Variants in GRIK2 observed in about 807,000 individuals in gnomAD.
The protein encoded by GRIK2 is glutamate receptor ionotropic, kainate 2.
In GRIK2, 32 loss-of-function variants were observed where a neutral mutation model predicts 100.3. The ratio of observed to expected loss-of-function variants is 0.32; its 90% CI spans 0.24 to 0.43. GRIK2 has a LOEUF of 0.43. Ranked by LOEUF, GRIK2 falls within the 20% of genes least tolerant of loss-of-function variation. The pLI is 1.00. For missense variants in GRIK2, 843 were observed against 1,114.9 expected, an observed-to-expected ratio of 0.76 and a Z score of 3.47; for synonymous variants, 417 against 389.4, an observed-to-expected ratio of 1.07 and a Z score of -0.83.
intron 14 of GRIK2, among the ~76,000 whole-genome samples, 195 bp downstream of exon 14, chr6:101,928,827 G>A (rs888063621): frequency 2.0e-5 from 3 of 152,126 alleles, no homozygotes; most frequent in Non-Finnish European, 4.4e-5. Context: ...CTCTGAAAAT[G>A]CTAAGGAGGT....
chr6:101,567,215 T>G (rs1777320094), intron 2 of GRIK2, among the ~76,000 whole-genome samples: 1 of 151,912 alleles, frequency 6.6e-6, no homozygotes, highest in Non-Finnish European at 1.5e-5. Flanking sequence ...ATATTTATTT[T>G]GCGATTTTCT....
At chr6:101,811,737 T>G (rs1268139064) in intron 9 of GRIK2, among the ~76,000 whole-genome samples, 1 of 151,842 alleles carries the variant, frequency 6.6e-6, no homozygotes, top group Non-Finnish European at 1.5e-5. Flanking sequence ...AGGTTAACAA[T>G]TATATAGCCC....
At chr6:102,064,001 A>G in intron 16 of GRIK2, 1 of 1,558,946 alleles carries the variant, frequency 6.4e-7, no homozygotes, top group Non-Finnish European at 8.8e-7. Flanking sequence ...CCATCCAGAC[A>G]CTGTTTAGTA....
chr6:101,965,142 A>G (rs1420767454), intron 14 of GRIK2, among the ~76,000 whole-genome samples: 2 of 152,132 alleles, frequency 1.3e-5, no homozygotes, highest in African/African-American at 4.8e-5. Context: ...TTAAACCTGT[A>G]TTCAAAATGA....
At chr6:101,463,901 A>G (rs547658119) in intron 2 of GRIK2, among the ~76,000 whole-genome samples, 2 of 152,258 alleles carry the variant, frequency 1.3e-5, no homozygotes, top group Admixed American at 6.5e-5. Context: ...GGATTAAAGG[A>G]TGCAAAGTAT....
At chr6:101,731,662 G>A (rs760057203) in intron 7 of GRIK2, among the ~76,000 whole-genome samples, 3 of 151,860 alleles carry the variant, frequency 2.0e-5, no homozygotes, top group Non-Finnish European at 4.4e-5. Context: ...AACTCACATG[G>A]GAACCAGGAA....
chr6:101,912,213 G>T (rs1436763824), intron 12 of GRIK2, among the ~76,000 whole-genome samples: 1 of 150,796 alleles, frequency 6.6e-6, no homozygotes, highest in Non-Finnish European at 1.5e-5. Context: ...CGGCTAACTT[G>T]CACAGACATC....
intron 15 of GRIK2, among the ~76,000 whole-genome samples, chr6:102,037,616 CAATT>C (rs71028102): frequency 0.23 from 34,581 of 150,960 alleles, 4,281 homozygotes; most frequent in Non-Finnish European, 0.29. Context: ...CAAAATTGGG[CAATT>C]AATTTTAATA....
intron 14 of GRIK2, among the ~76,000 whole-genome samples, chr6:101,976,730 T>A (rs1793402592): frequency 6.6e-6 from 1 of 151,038 alleles, no homozygotes; most frequent in Admixed American, 6.6e-5. Context: ...GGATTTAGAA[T>A]AGAGGTAAGT....
At chr6:101,902,997 C>T (rs1475924) in intron 12 of GRIK2, among the ~76,000 whole-genome samples, 129,490 of 151,798 alleles carry the variant, frequency 0.85, 56,069 homozygotes, top group East Asian at 0.94. Flanking sequence ...CCTCTATCTA[C>T]CTGCTACATC....
chr6:101,590,478 C>A (rs1778590055), intron 2 of GRIK2, among the ~76,000 whole-genome samples: 1 of 152,032 alleles, frequency 6.6e-6, no homozygotes, highest in Admixed American at 6.6e-5. Context: ...TGGAAAATTT[C>A]TCTAGCACCC....
At chr6:101,591,605 G>A (rs962842890) in intron 2 of GRIK2, among the ~76,000 whole-genome samples, 1 of 151,858 alleles carries the variant, frequency 6.6e-6, no homozygotes, top group Non-Finnish European at 1.5e-5. Context: ...GATAAGAACA[G>A]TATATAATAG....
intron 14 of GRIK2, among the ~76,000 whole-genome samples, chr6:102,001,812 CTT>C (rs1480449275): frequency 6.6e-6 from 1 of 151,682 alleles, no homozygotes; most frequent in African/African-American, 2.4e-5. Context: ...TTAAATTTCT[CTT>C]TTGATTTTTT....
At chr6:101,745,315 C>T (rs9373623) in intron 7 of GRIK2, among the ~76,000 whole-genome samples, 9,578 of 152,156 alleles carry the variant, frequency 0.063, 351 homozygotes, top group East Asian at 0.15. Context: ...GAATAACCTT[C>T]ACATCACATT....
intron 2 of GRIK2, among the ~76,000 whole-genome samples, chr6:101,528,083 CT>C (rs997721320): frequency 5.3e-5 from 8 of 152,094 alleles, no homozygotes; most frequent in African/African-American, 1.9e-4. Flanking sequence ...ATTTCTTCAA[CT>C]GTAAGATGTG....
At chr6:101,995,113 A>G (rs1426068180) in intron 14 of GRIK2, among the ~76,000 whole-genome samples, 1 of 151,978 alleles carries the variant, frequency 6.6e-6, no homozygotes, top group African/African-American at 2.4e-5. Flanking sequence ...ACACTACACT[A>G]TGTGAAAATG....
At chr6:101,583,725 A>C (rs1022389590) in intron 2 of GRIK2, among the ~76,000 whole-genome samples, 51 of 152,212 alleles carry the variant, frequency 3.4e-4, no homozygotes, top group African/African-American at 1.2e-3. Flanking sequence ...ACAGAAAAAA[A>C]CTTGTTTAGT....
chr6:101,740,318 T>C (rs1775939494), intron 7 of GRIK2, among the ~76,000 whole-genome samples: 1 of 152,184 alleles, frequency 6.6e-6, no homozygotes, highest in African/African-American at 2.4e-5. Context: ...CCTGAGGTTG[T>C]TGTGAGGACT....
In GRIK2 at chr6:101,848,059, A is replaced by C. The variant is rs571887036; in HGVS notation, c.1318-11228A>C. On this transcript the variant is annotated intron_variant, in intron 10 of 16. Coordinates refer to ENST00000369134, the MANE Select transcript of GRIK2 (RefSeq NM_021956.5). ...TCTGGGAGCCACCACACAGGTTAAA[A>C]TACGTAACAATTCTGTAAGAATAAG... Among the ~76,000 whole-genome samples, 3 of 152,246 alleles carry C rather than the reference A, an allele frequency of 2.0e-5. No individual in the cohort carries two copies. In the South Asian group the frequency reaches 6.2e-4, roughly 32 times the overall value.
Sources: gnomAD v4.1 joint callset for allele counts (sites outside exome capture counted in the v4.1 genomes callset) on GRCh38, gnomAD v4.1.1 for gene constraint, MANE v1.5 for transcripts, NCBI Gene and HGNC (gene_info 2026-07-23, HGNC 2026-07-21) for gene names.